The following LRIF1 variants were observed in gnomAD, a reference collection of about 807,000 sequenced individuals.
LRIF1 encodes ligand-dependent nuclear receptor-interacting factor 1.
LRIF1 carries 32 observed loss-of-function variants against 52.7 expected under a neutral mutation model. The ratio of observed to expected loss-of-function variants is 0.61; its 90% CI spans 0.46 to 0.82. The LOEUF (loss-of-function observed/expected upper bound fraction) is 0.82, where lower values mean the gene tolerates loss of function less well. Among genes scored for constraint, LRIF1 ranks in the 40% least tolerant of loss-of-function variants. LRIF1 has a pLI of 0.00. For synonymous variants in LRIF1, 323 were observed against 317.4 expected (o/e 1.02, Z -0.19); for missense variants, 887 against 892.0 (o/e 0.99, Z 0.07).
At chr1:110,921,783 C>T in the LRIF1 span, among the ~76,000 whole-genome samples, 1 of 152,020 alleles carries the variant, frequency 6.6e-6, no homozygotes, top group Non-Finnish European at 1.5e-5. Context: ...GTGTTAGAAA[C>T]TTAAGACTCA....
At position 110,948,357 on chromosome 1, in the gene LRIF1, T is replaced by A; in HGVS notation, c.1912A>T (p.Met638Leu). 6.2e-7 allele frequency: 1 copy of A among 1,613,642 alleles called. No individual in the cohort carries two copies. Among genetic ancestry groups the A allele is most frequent in the Non-Finnish European group, 8.5e-7 (1 of 1,179,786 alleles). ...KKRKAKTNKK[M>L]DHIKKRKTEN... ...GTTTTTCTCTTCTTTATGTGATCCA[T>A]CTTCTTATTAGTTTTTGCTTTTCTT... The change falls in exon 4 of 4, where the codon ATG becomes TTG. Residue 638 changes from methionine (M) to leucine (L), a missense_variant. Physicochemically the swap from Met to Leu is conservative, Grantham distance 15. Coordinates refer to ENST00000369763, the MANE Select transcript of LRIF1 (RefSeq NM_018372.4).
chr1:110,911,497 A>T, the LRIF1 span, among the ~76,000 whole-genome samples: 1 of 152,190 alleles, frequency 6.6e-6, no homozygotes, highest in Admixed American at 6.5e-5. Context: ...TTCCTAACTC[A>T]TTCTACAAGG....
At chr1:110,887,657 GT>G in the LRIF1 span, among the ~76,000 whole-genome samples, 1 of 152,168 alleles carries the variant, frequency 6.6e-6, no homozygotes, top group Non-Finnish European at 1.5e-5. Context: ...AGAGCTATCT[GT>G]TCCCTATTAC....
chr1:110,948,048 G>A lies in LRIF1; in HGVS notation c.2221C>T (p.Arg741Ter), dbSNP rs146605389. 6.2e-6 allele frequency: 10 copies of A among 1,613,432 alleles called. No individual in the cohort carries two copies. Among genetic ancestry groups the A allele is most frequent in the Non-Finnish European group, 8.5e-6 (10 of 1,179,862 alleles). The change falls in exon 4 of 4, where the codon CGA becomes TGA. Residue 741 changes from arginine (R) to a stop codon, truncating the protein, a stop_gained. Transcript: ENST00000369763. LOFTEE classifies it high-confidence loss of function. ...TTAAGTCTTCTTATTTTTTCATCTC[G>A]AATGGTTTCTTCTAACTCCGGTGGT... ...VTPPELEETI[R>*]DEKIRRLKQV...
At chr1:110,926,084 G>A in the LRIF1 span, among the ~76,000 whole-genome samples, 1 of 151,950 alleles carries the variant, frequency 6.6e-6, no homozygotes, top group Non-Finnish European at 1.5e-5. Context: ...ACCCAAAATT[G>A]ATTTATAGTT....
At chr1:110,889,360 G>A in the LRIF1 span, among the ~76,000 whole-genome samples, 1 of 151,778 alleles carries the variant, frequency 6.6e-6, no homozygotes, top group East Asian at 1.9e-4. Flanking sequence ...TTCGAGATCA[G>A]CCTGGCCAAC....
At position 110,952,218 on chromosome 1, in the gene LRIF1, C is replaced by G; in HGVS notation, c.666G>C (p.Glu222Asp). 6.2e-7 allele frequency: 1 copy of G among 1,614,136 alleles called. No homozygotes were observed. Among genetic ancestry groups the G allele is most frequent in the Non-Finnish European group, 8.5e-7 (1 of 1,180,042 alleles). The part of the protein sequence containing the change: ...TATTSTSGMV[E>D]ASQMPTVIYV... ...AAATAACGGTTGGCATTTGGGAGGC[C>G]TCAACCATTCCTGAGGTACTGGTGG... Residue 222 changes from glutamate (E) to aspartate (D), a missense_variant, in exon 2 of 4, where the codon GAG (glutamate) becomes GAC (aspartate). Physicochemically the swap from Glu to Asp is conservative, Grantham distance 45 (BLOSUM62 2). Coordinates refer to ENST00000369763, the MANE Select transcript of LRIF1 (RefSeq NM_018372.4).
At chr1:110,932,248 C>T in the LRIF1 span, among the ~76,000 whole-genome samples, 2 of 152,070 alleles carry the variant, frequency 1.3e-5, no homozygotes, top group Non-Finnish European at 2.9e-5. Context: ...GGAATCTTTC[C>T]CCATTTCTTG....
At chr1:110,883,424 A>G in the LRIF1 span, among the ~76,000 whole-genome samples, 770 of 151,998 alleles carry the variant, frequency 5.1e-3, 2 homozygotes, top group Middle Eastern at 0.02. Flanking sequence ...ATTTCTTATC[A>G]TTGTTCTATA....
At chr1:110,907,627 C>G in the LRIF1 span, among the ~76,000 whole-genome samples, 1 of 152,136 alleles carries the variant, frequency 6.6e-6, no homozygotes, top group East Asian at 1.9e-4. Flanking sequence ...TCCAGCTACT[C>G]AGGAGGCTGA....
rs376501948 is a variant in LRIF1, at chr1:110,947,982, G to A, written c.2287C>T (p.Arg763Cys). The A allele has an allele frequency of 1.2e-5, 19 of 1,581,624 alleles. No individual in the cohort carries two copies. The highest frequency in any genetic ancestry group is 1.5e-5 in the Non-Finnish European group (17 of 1,167,292). ...REKEAALEEM[R>C]KKMHQK is the part of the protein sequence containing the mutation. ...TTTTATTTTTGGTGCATCTTCTTAC[G>A]CATTTCTTCAAGAGCTGCTTCTTTC... is the stretch of plus-strand genomic sequence containing the variant. The change falls in exon 4 of 4, where the codon CGT becomes TGT. Residue 763 changes from arginine to cysteine, a missense_variant. Transcript: ENST00000369763.
intron 1 of LRIF1, among the ~76,000 whole-genome samples, chr1:110,956,258 G>A (rs577853772): frequency 3.3e-5 from 5 of 152,118 alleles, no homozygotes; most frequent in Non-Finnish European, 7.4e-5. Flanking sequence ...ATTTATAGTG[G>A]TACTAATCTG....
the LRIF1 span, among the ~76,000 whole-genome samples, chr1:110,916,347 A>G: frequency 6.6e-6 from 1 of 152,200 alleles, no homozygotes; most frequent in Non-Finnish European, 1.5e-5. Context: ...AGATGAACAT[A>G]TTGATTAATT....
chr1:110,962,996 T>C (rs1399127020), intron 1 of LRIF1, among the ~76,000 whole-genome samples: 3 of 152,106 alleles, frequency 2.0e-5, no homozygotes, highest in Admixed American at 2.0e-4. Context: ...AATACTGGAC[T>C]CTCCTCATGC....
the LRIF1 span, chr1:110,936,386 T>C: frequency 6.6e-6 from 1 of 152,118 alleles, no homozygotes; most frequent in Non-Finnish European, 1.5e-5. Flanking sequence ...TAGCAATAAC[T>C]TTTAATGACA....
At chr1:110,891,459 C>T in the LRIF1 span, 2 of 1,613,390 alleles carry the variant, frequency 1.2e-6, no homozygotes, top group South Asian at 2.2e-5. Flanking sequence ...TTTTCTTCAA[C>T]TTGCTCTTTT....
the LRIF1 span, chr1:110,896,783 T>G: frequency 6.6e-7 from 1 of 1,508,870 alleles, no homozygotes; most frequent in Non-Finnish European, 9.2e-7. Context: ...TTTAAATGTT[T>G]AATTACCTCG....
In LRIF1 at chr1:110,947,201, A is replaced by G. The variant is rs1338205612; in HGVS notation, c.*758T>C. On this transcript the variant is annotated 3_prime_UTR_variant, in exon 4 of 4. Transcript: ENST00000369763. ...CCAGACAGAGAAAATACACTTTTACAGTTTAAGAAATATTAAATGTGATAA... is the reference window on the plus strand; with the variant it reads ...CCAGACAGAGAAAATACACTTTTACGGTTTAAGAAATATTAAATGTGATAA... 6.7e-6 allele frequency: 1 copy of G among 149,124 alleles called. No individual in the cohort carries two copies. The highest frequency in any genetic ancestry group is 1.5e-5 in the Non-Finnish European group (1 of 66,102). The allele number at this position is 149,124 out of a possible 1,614,324, so 9.2% of individuals were successfully genotyped here.
At chr1:110,917,020 C>T in the LRIF1 span, among the ~76,000 whole-genome samples, 2 of 152,152 alleles carry the variant, frequency 1.3e-5, no homozygotes, top group Admixed American at 6.5e-5. Flanking sequence ...TTTACACTAG[C>T]GAGTTCAGGG....
Sources: allele counts gnomAD v4.1 joint callset (sites outside exome capture counted in the v4.1 genomes callset), GRCh38; gene constraint gnomAD v4.1.1; transcripts MANE v1.5; gene names NCBI Gene and HGNC (gene_info 2026-07-23, HGNC 2026-07-21).